The following CDKL5 variants were observed in gnomAD, a reference collection of about 807,000 sequenced individuals.
CDKL5 encodes the protein cyclin dependent kinase like 5.
CDKL5 carries 8 observed loss-of-function variants against 61.7 expected under a neutral mutation model. That is an observed-to-expected ratio of 0.13 (90% confidence interval 0.08 to 0.23). The LOEUF is 0.23. Ranked by LOEUF, CDKL5 falls within the 10% of genes least tolerant of loss-of-function variation. CDKL5 has a pLI of 1.00. For synonymous variants in CDKL5, 275 were observed against 272.3 expected (o/e 1.01, Z -0.10); for missense variants, 440 against 734.5 (o/e 0.60, Z 4.63).
chrX:18,520,275 A>G lies in CDKL5; in HGVS notation c.99+9421A>G, dbSNP rs1392311498. Among the ~76,000 whole-genome samples the G allele has an allele frequency of 6.3e-5, 7 of 111,970 alleles. No individual in the cohort carries two copies. The East Asian group carries it at 8.4e-4, about 14-fold the overall frequency. On this transcript the variant is annotated intron_variant, in intron 3 of 17. Coordinates refer to ENST00000623535, the MANE Select transcript of CDKL5 (RefSeq NM_001323289.2). ...TTTCCCTTGCCCCTGGCAACCACCA[A>G]TCTGCTTTCTGTATTTACCTATTTT...
chrX:18,538,483 C>G (rs183836742), intron 3 of CDKL5, among the ~76,000 whole-genome samples: 1 of 110,335 alleles, frequency 9.1e-6, no homozygotes, highest in African/African-American at 3.3e-5. Context: ...CTTTTGGTGT[C>G]AAATCTGAGA....
At chrX:18,452,185 A>G (rs1932034909) in intron 1 of CDKL5, among the ~76,000 whole-genome samples, 1 of 111,718 alleles carries the variant, frequency 9.0e-6, no homozygotes, top group African/African-American at 3.3e-5. Context: ...ACTCAAGGGG[A>G]AAACTTTAGG....
Position 18,442,736 on chromosome X carries a change from C to A in CDKL5, c.-163+17041C>A, listed in dbSNP as rs766882619. Among the ~76,000 whole-genome samples the A allele has an allele frequency of 4.1e-3, 453 of 111,338 alleles. 2 individuals are homozygous for A. Among genetic ancestry groups the A allele is most frequent in the African/African-American group, 0.014 (439 of 30,648 alleles). The stretch of plus-strand genomic sequence containing the variant: ...ATCTCAATCTCTTGACCTCGTGATC[C>A]GCCCGCCTCGGCCTCCCAAAGTGCT... On this transcript the variant is annotated intron_variant, in intron 1 of 17. Transcript: ENST00000623535.
intron 3 of CDKL5, among the ~76,000 whole-genome samples, chrX:18,552,803 G>A (rs1417899307): frequency 9.0e-6 from 1 of 111,221 alleles, no homozygotes; most frequent in Non-Finnish European, 1.9e-5. Flanking sequence ...CCCTAAGGCA[G>A]TAGAGAACAT....
At chrX:18,507,196 C>G in intron 2 of CDKL5, 36 bp downstream of exon 2, 1 of 959,857 alleles carries the variant, frequency 1.0e-6, no homozygotes, top group Non-Finnish European at 1.5e-6. Context: ...GAGTTTTGAG[C>G]AATGAACAGT....
At chrX:18,469,911 T>G (rs1245575564) in intron 1 of CDKL5, among the ~76,000 whole-genome samples, 1 of 112,256 alleles carries the variant, frequency 8.9e-6, no homozygotes. Context: ...ACACTTAGAA[T>G]AAATACTGTA....
chrX:18,504,919 C>T (rs1922520935), intron 1 of CDKL5, among the ~76,000 whole-genome samples: 2 of 96,573 alleles, frequency 2.1e-5, no homozygotes, highest in African/African-American at 3.9e-5. Context: ...GGCGACAGAG[C>T]GAAACTCCGT....
chrX:18,612,951 C>T (rs753568527), intron 14 of CDKL5, among the ~76,000 whole-genome samples: 2 of 109,412 alleles, frequency 1.8e-5, no homozygotes, highest in Admixed American at 9.8e-5. Flanking sequence ...GAACATCAGC[C>T]GTCTGTGGTG....
In CDKL5 at chrX:18,506,626, T is replaced by A. The variant is rs746977982; in HGVS notation, c.-162-309T>A. On this transcript the variant is annotated intron_variant, in intron 1 of 17. Coordinates refer to ENST00000623535, the MANE Select transcript of CDKL5 (RefSeq NM_001323289.2). ...GTAGAATATAGTATTTGTTTATAAT[T>A]CTTTTTATTTTTAGCTTTAGGAGAG... Among the ~76,000 whole-genome samples the A allele has an allele frequency of 1.2e-4, 13 of 112,298 alleles. No individual in the cohort carries two copies. In the South Asian group the frequency reaches 4.8e-3, roughly 42 times the overall value.
intron 1 of CDKL5, among the ~76,000 whole-genome samples, chrX:18,446,392 G>C (rs1016788888): frequency 9.0e-6 from 1 of 110,578 alleles, no homozygotes; most frequent in African/African-American, 3.3e-5. Flanking sequence ...AAACTGGGAA[G>C]TAGTTGTAAC....
chrX:18,443,930 A>G (rs981662481), intron 1 of CDKL5: 1 of 112,085 alleles, frequency 8.9e-6, no homozygotes, highest in Non-Finnish European at 1.9e-5. Flanking sequence ...TGACAAGTCA[A>G]CAGTCAGTTT....
chrX:18,516,303 T>A (rs1923016979), intron 3 of CDKL5, among the ~76,000 whole-genome samples: 1 of 105,078 alleles, frequency 9.5e-6, no homozygotes, highest in South Asian at 4.4e-4. Flanking sequence ...TTTTTTTTTA[T>A]TGCTAAACAA....
intron 3 of CDKL5, among the ~76,000 whole-genome samples, chrX:18,562,905 G>C (rs1024162173): frequency 8.9e-6 from 1 of 111,927 alleles, no homozygotes; most frequent in African/African-American, 3.2e-5. Flanking sequence ...AGATGCCAGA[G>C]AAAAATAACT....
chrX:18,556,034 G>A (rs916463240), intron 3 of CDKL5, among the ~76,000 whole-genome samples: 1 of 111,352 alleles, frequency 9.0e-6, no homozygotes, highest in African/African-American at 3.3e-5. Context: ...TATCATGGAT[G>A]GTATTTTATA....
At chrX:18,484,760 T>C (rs1921726404) in intron 1 of CDKL5, among the ~76,000 whole-genome samples, 1 of 110,388 alleles carries the variant, frequency 9.1e-6, no homozygotes, top group African/African-American at 3.3e-5. Flanking sequence ...TAGGGAATTA[T>C]TATTTTGAGT....
intron 8 of CDKL5, 29 bp downstream of exon 8, chrX:18,584,382 A>G: frequency 1.1e-6 from 1 of 920,945 alleles, no homozygotes; most frequent in Non-Finnish European, 1.6e-6. Context: ...ATAGAATGAC[A>G]TTTCCACATC....
At chrX:18,651,583 G>A (rs756758679) in intron 21 of CDKL5, among the ~76,000 whole-genome samples, 1 of 110,906 alleles carries the variant, frequency 9.0e-6, no homozygotes, top group African/African-American at 3.3e-5. Context: ...CAGAGGGAGA[G>A]GAGCCACCCA....
Position 18,648,815 on chromosome X carries a change from T to C in CDKL5, c.2798-1595T>C, listed in dbSNP as rs191780294. 2.0e-3 allele frequency among the ~76,000 whole-genome samples: 225 copies of C among 110,719 alleles called. 1 individual carries two copies. Among genetic ancestry groups the C allele is most frequent in the Non-Finnish European group, 3.5e-3 (186 of 52,880 alleles). On this transcript the variant is annotated intron_variant, in intron 20 of 21. Coordinates refer to the CDKL5 transcript ENST00000379989. The stretch of plus-strand genomic sequence containing the variant: ...GGCCGAGAGAACTGCAGAGGCTGAG[T>C]GCAGTGGCTCATGCCTGTAATCCCA...
At chrX:18,438,951 G>C (rs897368956) in intron 1 of CDKL5, among the ~76,000 whole-genome samples, 2 of 109,534 alleles carry the variant, frequency 1.8e-5, no homozygotes, top group Admixed American at 2.0e-4. Context: ...TGGAGGCAAG[G>C]AGTGTTGACT....
Sources: gnomAD v4.1 joint callset for allele counts (sites outside exome capture counted in the v4.1 genomes callset) on GRCh38, gnomAD v4.1.1 for gene constraint, MANE v1.5 for transcripts, NCBI Gene and HGNC (gene_info 2026-07-23, HGNC 2026-07-21) for gene names.